The following TTLL11 variants were observed in gnomAD, a reference collection of about 807,000 sequenced individuals.
TTLL11 encodes tubulin tyrosine ligase like 11.
TTLL11 carries 42 observed loss-of-function variants against 51.7 expected under a neutral mutation model. That is an observed-to-expected ratio of 0.81 (90% CI 0.64 to 1.05). The LOEUF (loss-of-function observed/expected upper bound fraction) is 1.05. TTLL11 is among the 50% of genes least tolerant of loss of function. The pLI is 0.00. For missense variants in TTLL11, 799 were observed against 940.4 expected, an observed-to-expected ratio of 0.85 and a Z score of 1.97; for synonymous variants, 381 against 383.5, an observed-to-expected ratio of 0.99 and a Z score of 0.08.
At position 121,921,939 on chromosome 9, in the gene TTLL11, G is replaced by A. The variant is rs141481733; in HGVS notation, c.1482-51191C>T. Among the ~76,000 whole-genome samples, 3 of 152,290 alleles carry A rather than the reference G, an allele frequency of 2.0e-5. No individual in the cohort carries two copies. The East Asian group carries it at 5.8e-4, about 29-fold the overall frequency. On this transcript the variant is annotated intron_variant, in intron 6 of 8. Coordinates refer to ENST00000321582, the MANE Select transcript of TTLL11 (RefSeq NM_001139442.2). ...CTTCTCTGAGCCCACGGAGGAACCC[G>A]GGAAGCCTGACACAGTCACAGACTG...
At chr9:121,956,720 T>G (rs1842031755) in intron 6 of TTLL11, among the ~76,000 whole-genome samples, 1 of 152,262 alleles carries the variant, frequency 6.6e-6, no homozygotes, top group Non-Finnish European at 1.5e-5. Flanking sequence ...GTGTTGTACC[T>G]GGACCAGCAG....
At chr9:122,052,676 G>A (rs760032180) in intron 1 of TTLL11, among the ~76,000 whole-genome samples, 1 of 152,140 alleles carries the variant, frequency 6.6e-6, no homozygotes, top group Non-Finnish European at 1.5e-5. Flanking sequence ...AGGAGATGGG[G>A]GTGTTTTGCA....
intron 6 of TTLL11, among the ~76,000 whole-genome samples, chr9:121,961,018 G>C (rs1231284473): frequency 6.6e-6 from 1 of 152,168 alleles, no homozygotes; most frequent in Non-Finnish European, 1.5e-5. Flanking sequence ...CAAAAGAAAA[G>C]GAAGGAAAGC....
chr9:121,931,137 T>C (rs559481966), intron 6 of TTLL11, among the ~76,000 whole-genome samples: 21 of 152,358 alleles, frequency 1.4e-4, no homozygotes, highest in African/African-American at 4.6e-4. Context: ...ATCTCCCTGC[T>C]CCACCTGGCT....
At chr9:121,937,470 C>T (rs1841280957) in intron 6 of TTLL11, among the ~76,000 whole-genome samples, 1 of 152,210 alleles carries the variant, frequency 6.6e-6, no homozygotes, top group South Asian at 2.1e-4. Context: ...CACCTGGCAA[C>T]TCCCCCAATT....
chr9:121,995,227 G>C lies in TTLL11; in HGVS notation c.694-5457C>G, dbSNP rs563099326. ...AGAAGAGGGCACCTGGGAGCCAGAG[G>C]CTGGAACGGGCAGAACAGACCCCAA... On this transcript the variant is annotated intron_variant, in intron 3 of 8. Transcript: ENST00000321582. The surrounding 1 kb of genome is among the most constrained non-coding windows in gnomAD (Gnocchi z 4.4). Among the ~76,000 whole-genome samples the C allele has an allele frequency of 9.9e-5, 15 of 152,284 alleles. No homozygotes were observed. In the East Asian group the frequency reaches 2.9e-3, roughly 29 times the overall value.
rs1403589800 is a variant in TTLL11 at position 121,999,076 on chromosome 9, T to G, written c.694-9306A>C. On this transcript the variant is annotated intron_variant, in intron 3 of 8. Coordinates refer to ENST00000321582, the MANE Select transcript of TTLL11 (RefSeq NM_001139442.2). ...TATTTCCCTCATCCCTCGATTCTCT[T>G]GCCCACTACATCCCCAGCTATCACT... 2.0e-5 allele frequency among the ~76,000 whole-genome samples: 3 copies of G among 152,356 alleles called. No homozygotes were observed. The East Asian group carries it at 5.8e-4, about 29-fold the overall frequency.
rs1415403059 is a variant in TTLL11 at position 122,065,982 on chromosome 9, A to G, written c.463-26614T>C. ...GAAAAACAGGCCCTTCCCAGTGTACAGTGGATTGAATTACAGTTTGGTTCT... is the reference window on the plus strand; with the variant it reads ...GAAAAACAGGCCCTTCCCAGTGTACGGTGGATTGAATTACAGTTTGGTTCT... On this transcript the variant is annotated intron_variant, in intron 1 of 8. Coordinates refer to ENST00000321582, the MANE Select transcript of TTLL11 (RefSeq NM_001139442.2). 2.0e-5 allele frequency among the ~76,000 whole-genome samples: 3 copies of G among 152,134 alleles called. No homozygotes were observed. In the East Asian group the frequency reaches 5.8e-4, roughly 29 times the overall value.
At chr9:122,003,553 C>A (rs1327730900) in intron 3 of TTLL11, among the ~76,000 whole-genome samples, 2 of 143,848 alleles carry the variant, frequency 1.4e-5, no homozygotes, top group Non-Finnish European at 3.0e-5. Flanking sequence ...GGTGCAATCT[C>A]GGCTCACTGC....
intron 6 of TTLL11, among the ~76,000 whole-genome samples, chr9:121,960,218 T>C (rs573284669): frequency 6.7e-4 from 102 of 152,326 alleles, no homozygotes; most frequent in Admixed American, 1.2e-3. Context: ...GTACTGTAGA[T>C]GTTCTTGTAT....
intron 8 of TTLL11, among the ~76,000 whole-genome samples, chr9:121,823,951 C>T (rs1428321211): frequency 6.6e-6 from 1 of 152,186 alleles, no homozygotes; most frequent in Non-Finnish European, 1.5e-5. Flanking sequence ...GTACAGGATT[C>T]CTGCACTTCT....
At chr9:121,896,090 TTG>T (rs758158201) in intron 6 of TTLL11, among the ~76,000 whole-genome samples, 7 of 151,390 alleles carry the variant, frequency 4.6e-5, no homozygotes, top group South Asian at 2.1e-4. Context: ...GCCCGTTTGG[TTG>T]TGTGTGTTTG....
intron 6 of TTLL11, among the ~76,000 whole-genome samples, chr9:121,946,149 A>G (rs971860908): frequency 5.9e-5 from 9 of 152,218 alleles, no homozygotes; most frequent in Admixed American, 3.3e-4. Flanking sequence ...CAGGTAAACT[A>G]ATAATGACAA....
intron 3 of TTLL11, among the ~76,000 whole-genome samples, chr9:121,996,394 T>C (rs1843265372): frequency 6.6e-6 from 1 of 152,178 alleles, no homozygotes. Context: ...TTCTCCATAT[T>C]GAGCTTCCCC....
At position 121,822,487 on chromosome 9, in the gene TTLL11, C is replaced by T. The variant is rs557898227; in HGVS notation, c.*100G>A. On this transcript the variant is annotated 3_prime_UTR_variant, in exon 9 of 9. Coordinates refer to ENST00000321582, the MANE Select transcript of TTLL11 (RefSeq NM_001139442.2). The surrounding 1 kb of genome is among the most constrained non-coding windows in gnomAD (Gnocchi z 5.8). ...TCGTGGGGACCTCAGCTGGGCCCCT[C>T]GGCAGCCTGCCTGCCATTCCTCTGC... 1.1e-5 allele frequency: 13 copies of T among 1,204,928 alleles called. No individual in the cohort carries two copies. The East Asian group carries it at 1.4e-4, about 13-fold the overall frequency. The allele number at this position is 1,204,928 out of a possible 1,614,324, so 74.6% of individuals were successfully genotyped here. A position where few individuals can be genotyped will look rare whatever the true frequency, so the allele number is the denominator to read the frequency against.
chr9:121,817,846 C>T lies in TTLL11; in HGVS notation c.*4741G>A, dbSNP rs2119092691. On this transcript the variant is annotated 3_prime_UTR_variant, in exon 9 of 9. Coordinates refer to ENST00000321582, the MANE Select transcript of TTLL11 (RefSeq NM_001139442.2). ...ACTAAGCCTCCTGGAAGCCACTTCC[C>T]TGCCTGGGAAAACAGAGTGCCAGTG... 1 of 152,396 alleles carries T rather than the reference C, an allele frequency of 6.6e-6. No individual in the cohort carries two copies. Among genetic ancestry groups the T allele is most frequent in the East Asian group, 1.9e-4 (1 of 5,192 alleles). 9.4% of individuals were successfully genotyped at this position (152,396 alleles called of 1,614,324 possible).
intron 3 of TTLL11, among the ~76,000 whole-genome samples, chr9:122,006,245 G>A (rs1843639588): frequency 6.6e-6 from 1 of 151,804 alleles, no homozygotes; most frequent in African/African-American, 2.4e-5. Context: ...GGAGGCTGAA[G>A]CAGAAGAATT....
intron 6 of TTLL11, among the ~76,000 whole-genome samples, chr9:121,914,259 C>T (rs1840244039): frequency 6.6e-6 from 1 of 152,210 alleles, no homozygotes; most frequent in South Asian, 2.1e-4. Context: ...TGTCACGCAG[C>T]AACAGTAGAA....
At chr9:122,080,527 A>AAT (rs547197512) in intron 1 of TTLL11, among the ~76,000 whole-genome samples, 34 of 151,782 alleles carry the variant, frequency 2.2e-4, no homozygotes, top group African/African-American at 5.1e-4. Flanking sequence ...TACAAAAAAA[A>AAT]ATATATATAT....
Sources: gnomAD v4.1 joint callset for allele counts (sites outside exome capture counted in the v4.1 genomes callset) on GRCh38, gnomAD v4.1.1 for gene constraint, Gnocchi (gnomAD v3.1) non-coding constraint, MANE v1.5 for transcripts, NCBI Gene and HGNC (gene_info 2026-07-23, HGNC 2026-07-21) for gene names.